TNR: variants seen among roughly 807,000 people sequenced by gnomAD.
TNR encodes the protein tenascin R.
TNR carries 45 observed loss-of-function variants against 150.4 expected under a neutral mutation model. That is an observed-to-expected ratio of 0.30 (90% CI 0.24 to 0.38). The LOEUF (loss-of-function observed/expected upper bound fraction) is 0.38. Among genes scored for constraint, TNR ranks in the 10% least tolerant of loss-of-function variants. TNR has a pLI of 1.00. For synonymous variants in TNR, 687 were observed against 678.4 expected, an observed-to-expected ratio of 1.01 and a Z score of -0.20; for missense variants, 1,544 against 1,759.1, an observed-to-expected ratio of 0.88 and a Z score of 2.19.
chr1:175,656,879 G>A (rs1157623599), intron 1 of TNR, among the ~76,000 whole-genome samples: 1 of 152,102 alleles, frequency 6.6e-6, no homozygotes, highest in Non-Finnish European at 1.5e-5. Flanking sequence ...ATGTGGTTAT[G>A]CATTTTTATG....
At chr1:175,598,402 C>T (rs1179156959) in intron 1 of TNR, among the ~76,000 whole-genome samples, 1 of 152,212 alleles carries the variant, frequency 6.6e-6, no homozygotes, top group Non-Finnish European at 1.5e-5. Context: ...AACAAATCAA[C>T]TCACCAAGAT....
At chr1:175,702,184 G>A (rs1666716549) in intron 1 of TNR, among the ~76,000 whole-genome samples, 1 of 152,120 alleles carries the variant, frequency 6.6e-6, no homozygotes, top group African/African-American at 2.4e-5. Context: ...TGTGCTAAAT[G>A]ACCACACACT....
intron 1 of TNR, among the ~76,000 whole-genome samples, chr1:175,595,327 T>G (rs916752515): frequency 7.9e-5 from 12 of 152,318 alleles, no homozygotes; most frequent in African/African-American, 2.6e-4. Context: ...GACCAACTCC[T>G]TTCTTTTCCA....
intron 1 of TNR, among the ~76,000 whole-genome samples, chr1:175,725,326 C>T (rs1346552670): frequency 1.3e-5 from 2 of 152,172 alleles, no homozygotes; most frequent in South Asian, 2.1e-4. Context: ...TGAACCTTCC[C>T]ATAGCACTGT....
intron 1 of TNR, among the ~76,000 whole-genome samples, chr1:175,732,083 C>T (rs1667657700): frequency 6.6e-6 from 1 of 152,180 alleles, no homozygotes; most frequent in Non-Finnish European, 1.5e-5. Context: ...CTCCCTGCCT[C>T]CCCTTGAATC....
chr1:175,720,769 C>T (rs74129323), intron 1 of TNR, among the ~76,000 whole-genome samples: 1,584 of 152,312 alleles, frequency 0.01, 23 homozygotes, highest in African/African-American at 0.036. Context: ...AGGAGGATTA[C>T]GCCTCAATCC....
intron 2 of TNR, among the ~76,000 whole-genome samples, chr1:175,491,847 C>T (rs1177338402): frequency 6.6e-6 from 1 of 151,938 alleles, no homozygotes; most frequent in Non-Finnish European, 1.5e-5. Flanking sequence ...GACGGGGTTT[C>T]ACTGTGTTAG....
At chr1:175,654,214 C>T (rs1665100963) in intron 1 of TNR, among the ~76,000 whole-genome samples, 1 of 152,160 alleles carries the variant, frequency 6.6e-6, no homozygotes, top group Non-Finnish European at 1.5e-5. Flanking sequence ...ACCCAATTCC[C>T]CTTTGGCATA....
chr1:175,712,358 T>G (rs942161453), intron 1 of TNR, among the ~76,000 whole-genome samples: 1 of 152,102 alleles, frequency 6.6e-6, no homozygotes, highest in South Asian at 2.1e-4. Flanking sequence ...GAGGATAGCA[T>G]AGCAGCTAGA....
intron 1 of TNR, among the ~76,000 whole-genome samples, chr1:175,728,612 G>T (rs1367060112): frequency 1.3e-5 from 2 of 152,188 alleles, no homozygotes; most frequent in Non-Finnish European, 2.9e-5. Flanking sequence ...CTTTCCATAA[G>T]TGCTACCACC....
intron 2 of TNR, among the ~76,000 whole-genome samples, chr1:175,462,675 T>C (rs1232441824): frequency 1.3e-5 from 2 of 152,236 alleles, no homozygotes; most frequent in Non-Finnish European, 2.9e-5. Flanking sequence ...GGAATCATAA[T>C]GATGATTAAG....
chr1:175,468,670 G>A (rs544977191), intron 2 of TNR, among the ~76,000 whole-genome samples: 22 of 152,266 alleles, frequency 1.4e-4, no homozygotes, highest in Admixed American at 7.2e-4. Context: ...TCCCATGGAA[G>A]AGGCATTCTA....
intron 1 of TNR, among the ~76,000 whole-genome samples, chr1:175,721,874 C>A (rs573923598): frequency 6.8e-6 from 1 of 147,284 alleles, no homozygotes; most frequent in Non-Finnish European, 1.5e-5. Context: ...CCTGCCTCCC[C>A]GGTCGGATGT....
chr1:175,532,736 A>G (rs933145748), intron 1 of TNR, among the ~76,000 whole-genome samples: 2 of 152,218 alleles, frequency 1.3e-5, no homozygotes, highest in African/African-American at 4.8e-5. Context: ...TCAACCTGGT[A>G]GGAATAGAGG....
intron 1 of TNR, among the ~76,000 whole-genome samples, chr1:175,593,484 A>G (rs1281897259): frequency 6.6e-6 from 1 of 152,198 alleles, no homozygotes; most frequent in African/African-American, 2.4e-5. Context: ...ATATCTACCA[A>G]GTGGCTTTAT....
At chr1:175,711,205 G>A (rs759754644) in intron 1 of TNR, among the ~76,000 whole-genome samples, 2 of 152,174 alleles carry the variant, frequency 1.3e-5, no homozygotes, top group Non-Finnish European at 2.9e-5. Flanking sequence ...CCAAGTAGGA[G>A]ACTGGGAGTG....
chr1:175,391,720 A>G (rs1440977798), intron 6 of TNR, among the ~76,000 whole-genome samples: 1 of 152,224 alleles, frequency 6.6e-6, no homozygotes, highest in Non-Finnish European at 1.5e-5. Flanking sequence ...GCCAATAAAA[A>G]TTAGTGATGA....
intron 1 of TNR, among the ~76,000 whole-genome samples, chr1:175,656,364 C>T (rs1002276914): frequency 3.9e-5 from 6 of 152,098 alleles, no homozygotes; most frequent in African/African-American, 9.7e-5. Context: ...AGCTGTCAGA[C>T]GAAAATATTT....
At chr1:175,451,760 A>AGAAAT (rs1356052386) in intron 2 of TNR, among the ~76,000 whole-genome samples, 1 of 152,226 alleles carries the variant, frequency 6.6e-6, no homozygotes, top group African/African-American at 2.4e-5. Flanking sequence ...CTGATGAAAG[A>AGAAAT]GAAATCAAGC....
Sources: allele counts gnomAD v4.1 joint callset (sites outside exome capture counted in the v4.1 genomes callset), GRCh38; gene constraint gnomAD v4.1.1; transcripts MANE v1.5; gene names NCBI Gene and HGNC (gene_info 2026-07-23, HGNC 2026-07-21).